SNX29: variants seen among roughly 807,000 people sequenced by gnomAD.
The protein encoded by SNX29 is sorting nexin-29.
SNX29 carries 78 observed loss-of-function variants against 102.1 expected under a neutral mutation model. That is an observed-to-expected ratio of 0.76 (90% confidence interval 0.64 to 0.92). The LOEUF is 0.92. SNX29 is among the 40% of genes least tolerant of loss of function. The pLI is 0.00. For synonymous variants in SNX29, 580 were observed against 414.5 expected (o/e 1.40, Z -4.85); for missense variants, 1,280 against 1,061.7 (o/e 1.21, Z -2.86).
At chr16:12,127,260 A>G (rs968684605) in intron 12 of SNX29, among the ~76,000 whole-genome samples, 2 of 149,194 alleles carry the variant, frequency 1.3e-5, no homozygotes, top group African/African-American at 4.9e-5. Flanking sequence ...CTCTGTCTCA[A>G]AAAAAAAAAA....
intron 15 of SNX29, among the ~76,000 whole-genome samples, chr16:12,317,170 C>T (rs148713622): frequency 1.3e-5 from 2 of 152,188 alleles, no homozygotes; most frequent in African/African-American, 4.8e-5. Context: ...GGCGGACTGT[C>T]TTTAGGTTAA....
intron 20 of SNX29, among the ~76,000 whole-genome samples, chr16:12,566,239 C>T (rs887460690): frequency 1.3e-5 from 2 of 152,228 alleles, no homozygotes; most frequent in Non-Finnish European, 2.9e-5. Flanking sequence ...CCCCAAATGA[C>T]AGACAAGGAA....
At chr16:12,531,173 C>T (rs576826025) in intron 20 of SNX29, among the ~76,000 whole-genome samples, 3 of 152,338 alleles carry the variant, frequency 2.0e-5, no homozygotes, top group African/African-American at 7.2e-5. Flanking sequence ...GGAAGCCACT[C>T]TTCCCAGGTG....
intron 20 of SNX29, among the ~76,000 whole-genome samples, chr16:12,564,194 C>T (rs2078890879): frequency 1.3e-5 from 2 of 150,156 alleles, no homozygotes; most frequent in East Asian, 2.0e-4. Context: ...TTGAGACCGT[C>T]CTGGGCACCA....
At chr16:12,077,836 G>C (rs1051590423) in intron 10 of SNX29, among the ~76,000 whole-genome samples, 1 of 151,970 alleles carries the variant, frequency 6.6e-6, no homozygotes, top group Admixed American at 6.6e-5. Flanking sequence ...CGCCAGGCTG[G>C]TCTCGAACTC....
At chr16:12,310,984 G>A (rs961469301) in intron 15 of SNX29, among the ~76,000 whole-genome samples, 1 of 152,204 alleles carries the variant, frequency 6.6e-6, no homozygotes, top group African/African-American at 2.4e-5. Context: ...AGAAGGGAAG[G>A]AGGTAAGTGA....
chr16:12,043,355 A>ATT (rs149579871), intron 5 of SNX29, among the ~76,000 whole-genome samples: 2 of 140,642 alleles, frequency 1.4e-5, no homozygotes, highest in South Asian at 2.3e-4. Context: ...CACTTTCTGG[A>ATT]TTTTTTTTTT....
chr16:12,187,604 C>T (rs899197187), intron 13 of SNX29, among the ~76,000 whole-genome samples: 2 of 151,766 alleles, frequency 1.3e-5, no homozygotes, highest in African/African-American at 4.8e-5. Flanking sequence ...ATCTGCTGCT[C>T]TGTAGTCTTC....
intron 19 of SNX29, among the ~76,000 whole-genome samples, chr16:12,503,205 C>A (rs2089209469): frequency 6.6e-6 from 1 of 152,158 alleles, no homozygotes; most frequent in African/African-American, 2.4e-5. Context: ...CTCACTCCTT[C>A]CAGTTCGTCC....
intron 18 of SNX29, among the ~76,000 whole-genome samples, chr16:12,413,887 CT>C (rs56239104): frequency 0.56 from 84,833 of 151,576 alleles, 24,239 homozygotes; most frequent in Non-Finnish European, 0.62. Flanking sequence ...TCATCCCTTG[CT>C]TGTCTGGGGG....
At chr16:12,090,611 A>T (rs1255164168) in intron 11 of SNX29, among the ~76,000 whole-genome samples, 3 of 152,120 alleles carry the variant, frequency 2.0e-5, no homozygotes, top group Admixed American at 6.5e-5. Flanking sequence ...CTGGTTTCCC[A>T]TTTCCATCCT....
rs974586766 is a variant in SNX29, at chr16:12,571,502, C to T, written c.*2873C>T. ...CTCAGAGAGGAACGAGGGTGGCCCA[C>T]CTCTCAAGGGCCTTGGATTCCTGGG... On this transcript the variant is annotated 3_prime_UTR_variant, in exon 21 of 21. Coordinates refer to ENST00000566228, the MANE Select transcript of SNX29 (RefSeq NM_032167.5). 2.0e-6 allele frequency: 1 copy of T among 488,076 alleles called. No individual in the cohort carries two copies. Among genetic ancestry groups the T allele is most frequent in the Non-Finnish European group, 2.8e-6 (1 of 351,908 alleles). The allele number at this position is 488,076 out of a possible 1,614,324, so 30.2% of individuals were successfully genotyped here.
chr16:12,112,074 A>G (rs1375513807), intron 11 of SNX29, among the ~76,000 whole-genome samples: 1 of 152,186 alleles, frequency 6.6e-6, no homozygotes, highest in Non-Finnish European at 1.5e-5. Flanking sequence ...CAAAGGTCCA[A>G]AGCTATGTGA....
intron 15 of SNX29, among the ~76,000 whole-genome samples, chr16:12,335,953 C>T (rs896213261): frequency 6.6e-6 from 1 of 151,878 alleles, no homozygotes; most frequent in Non-Finnish European, 1.5e-5. Flanking sequence ...CCACCGCTAC[C>T]CTCTCCTGCT....
chr16:12,042,604 T>C (rs1322870844), intron 4 of SNX29, among the ~76,000 whole-genome samples: 1 of 152,224 alleles, frequency 6.6e-6, no homozygotes, highest in African/African-American at 2.4e-5. Context: ...TTCTGTGTAA[T>C]TCGCTTAGGA....
intron 3 of SNX29, among the ~76,000 whole-genome samples, chr16:12,013,500 A>AATATATATATATATATATATAT (rs66491414): frequency 3.2e-4 from 10 of 31,592 alleles, no homozygotes; most frequent in East Asian, 1.9e-3. Context: ...AAAAAAAAAA[A>AATATATATATATATATATATAT]ATATATATAT....
In SNX29 at chr16:12,572,167, C is replaced by T. The variant is rs1426168818; in HGVS notation, c.*3538C>T. ...GCTTATTAAGATCAATTTTGATAAC[C>T]ATGTAATTTCTTAGAACCATGGCAG... is the stretch of plus-strand genomic sequence containing the variant. On this transcript the variant is annotated 3_prime_UTR_variant, in exon 21 of 21. Transcript: ENST00000566228. 13 of 980,992 alleles carry T rather than the reference C, an allele frequency of 1.3e-5. No individual in the cohort carries two copies. The highest frequency in any genetic ancestry group is 1.7e-5 in the African/African-American group (1 of 59,224). 60.8% of individuals were successfully genotyped at this position (980,992 alleles called of 1,614,324 possible).
At chr16:12,224,861 G>A (rs749637548) in intron 14 of SNX29, among the ~76,000 whole-genome samples, 48 of 152,288 alleles carry the variant, frequency 3.2e-4, no homozygotes, top group Middle Eastern at 3.4e-3. Context: ...AGCAGGATCA[G>A]TTCTCATGAA....
intron 20 of SNX29, among the ~76,000 whole-genome samples, chr16:12,555,938 T>G (rs1356620095): frequency 6.6e-6 from 1 of 152,194 alleles, no homozygotes; most frequent in Non-Finnish European, 1.5e-5. Context: ...CAGGTCTGTT[T>G]ACATCACACC....
Sources: gnomAD v4.1 joint callset for allele counts (sites outside exome capture counted in the v4.1 genomes callset) on GRCh38, gnomAD v4.1.1 for gene constraint, MANE v1.5 for transcripts, NCBI Gene and HGNC (gene_info 2026-07-23, HGNC 2026-07-21) for gene names.